CPHXL: variants seen among roughly 807,000 people sequenced by gnomAD.
CPHXL encodes cytoplasmic polyadenylated homeobox like.
At chr16:75,725,753 CTTTTTTTTTTTTTTT>C (rs35659823) in intron 1 of CPHXL, among the ~76,000 whole-genome samples, 4,099 of 43,556 alleles carry the variant, frequency 0.094, 189 homozygotes, top group Non-Finnish European at 0.11. Flanking sequence ...TGCCCGGCGT[CTTTTTTTTTTTTTTT>C]TTTTTTTTTT....
At chr16:75,715,986 C>T (rs1019986625) in intron 2 of CPHXL, among the ~76,000 whole-genome samples, 2 of 152,156 alleles carry the variant, frequency 1.3e-5, no homozygotes, top group Non-Finnish European at 2.9e-5. Flanking sequence ...GCATGAGCCA[C>T]CACATCTGGC....
chr16:75,721,567 T>G (rs1178672471), intron 1 of CPHXL, among the ~76,000 whole-genome samples: 1 of 152,136 alleles, frequency 6.6e-6, no homozygotes, highest in Non-Finnish European at 1.5e-5. Context: ...CCTAAATATA[T>G]ATGCACCCAA....
chr16:75,714,427 C>G lies in CPHXL; in HGVS notation c.1015G>C (p.Gly339Arg), dbSNP rs931833678. 2.5e-6 allele frequency: 1 copy of G among 398,406 alleles called. No individual in the cohort carries two copies. The highest frequency in any genetic ancestry group is 4.4e-6 in the Non-Finnish European group (1 of 226,078). 24.7% of individuals were successfully genotyped at this position (398,406 alleles called of 1,614,324 possible). A position where few individuals can be genotyped will look rare whatever the true frequency, so the allele number is the denominator to read the frequency against. ...MLQEQLPMDSGPWDLGKQWSS... is the reference protein window; with the variant it reads ...MLQEQLPMDSRPWDLGKQWSS... ...CACTGCTTCCCTAGATCCCAAGGAC[C>G]CGAGTCCATTGGGAGCTGTTCCTGC... The change falls in exon 3 of 3, where the codon GGT becomes CGT. Residue 339 changes from glycine (G) to arginine (R), a missense_variant. Coordinates refer to ENST00000640559, the MANE Select transcript of CPHXL (RefSeq NM_001355613.1).
chr16:75,722,221 A>T (rs1298758463), intron 1 of CPHXL, among the ~76,000 whole-genome samples: 1 of 152,210 alleles, frequency 6.6e-6, no homozygotes, highest in African/African-American at 2.4e-5. Flanking sequence ...AAACACATTC[A>T]AAAGCTAGCA....
chr16:75,723,364 C>T (rs961459082), intron 1 of CPHXL, among the ~76,000 whole-genome samples: 18 of 152,124 alleles, frequency 1.2e-4, no homozygotes, highest in African/African-American at 4.3e-4. Context: ...ATCGTCTCAG[C>T]CCAAAATCTC....
chr16:75,717,419 T>C (rs191732794), intron 2 of CPHXL, among the ~76,000 whole-genome samples: 1 of 152,332 alleles, frequency 6.6e-6, no homozygotes, highest in African/African-American at 2.4e-5. Flanking sequence ...TTTGAGGATG[T>C]CTCAGGCCCT....
rs576325268 is a variant in CPHXL, at chr16:75,717,514, T to C, written c.219+751A>G. Among the ~76,000 whole-genome samples, 4 of 152,348 alleles carry C rather than the reference T, an allele frequency of 2.6e-5. No individual in the cohort carries two copies. The South Asian group carries it at 8.3e-4, about 32-fold the overall frequency. On this transcript the variant is annotated intron_variant, in intron 2 of 2. Transcript: ENST00000640559. ...TAAACCATCTCTAGATGACTTACAA[T>C]ACCTGATACCTAATATAACACAAAT...
intron 1 of CPHXL, among the ~76,000 whole-genome samples, chr16:75,720,546 T>G (rs1464556683): frequency 6.6e-6 from 1 of 151,786 alleles, no homozygotes; most frequent in African/African-American, 2.4e-5. Context: ...GAAGAGAAGT[T>G]TAGAGAAAAA....
rs1959423398 is a variant in CPHXL, at chr16:75,718,330, A to T, written c.154T>A (p.Tyr52Asn). 2.5e-6 allele frequency: 1 copy of T among 398,850 alleles called. No individual in the cohort carries two copies. The highest frequency in any genetic ancestry group is 4.4e-5 in the Admixed American group (1 of 22,746). 24.7% of individuals were successfully genotyped at this position (398,850 alleles called of 1,614,324 possible). A position where few individuals can be genotyped will look rare whatever the true frequency, so the allele number is the denominator to read the frequency against. The change falls in exon 2 of 3, where the codon TAT becomes AAT. Residue 52 changes from tyrosine to asparagine, a missense_variant. Physicochemically the swap from Tyr to Asn is moderately radical, Grantham distance 143. Coordinates refer to ENST00000640559, the MANE Select transcript of CPHXL (RefSeq NM_001355613.1). ...GTTTTCCTAGTTGTGTAATCGGGAT[A>T]ACAGTTCTCTCCAAATATTTCCTTA... is the stretch of plus-strand genomic sequence containing the variant. ...ELKEIFGENC[Y>N]PDYTTRKTLA...
chr16:75,721,810 G>A (rs528040107), intron 1 of CPHXL, among the ~76,000 whole-genome samples: 9 of 152,244 alleles, frequency 5.9e-5, no homozygotes, highest in African/African-American at 2.2e-4. Context: ...ATTCTTCTCA[G>A]CACCACACCA....
chr16:75,721,176 A>G (rs1372882469), intron 1 of CPHXL, among the ~76,000 whole-genome samples: 4 of 152,242 alleles, frequency 2.6e-5, no homozygotes, highest in African/African-American at 7.2e-5. Flanking sequence ...CATCGAGGCT[A>G]GGAAGAAACT....
At chr16:75,725,215 T>A (rs1959538068) in intron 1 of CPHXL, among the ~76,000 whole-genome samples, 1 of 152,094 alleles carries the variant, frequency 6.6e-6, no homozygotes, top group South Asian at 2.1e-4. Flanking sequence ...ACATGGCACA[T>A]GTATATATAT....
In CPHXL at chr16:75,714,544, G is replaced by T; in HGVS notation, c.898C>A (p.Leu300Ile). The T allele has an allele frequency of 2.5e-6, 1 of 398,660 alleles. No homozygotes were observed. Among genetic ancestry groups the T allele is most frequent in the Non-Finnish European group, 4.4e-6 (1 of 226,084 alleles). The allele number at this position is 398,660 out of a possible 1,614,324, so 24.7% of individuals were successfully genotyped here. Residue 300 changes from leucine to isoleucine, a missense_variant, in exon 3 of 3, where the codon CTC becomes ATC. Transcript: ENST00000640559. ...TGCTGCTGTTGTCCCAGCAGTGAGAGACAGAATGAGCAAAGACAATGGTCT... is the reference window on the plus strand; with the variant it reads ...TGCTGCTGTTGTCCCAGCAGTGAGATACAGAATGAGCAAAGACAATGGTCT... ...KKDHCLCSFC[L>I]SLLGQQQQND...
chr16:75,725,378 T>C (rs1198392949), intron 1 of CPHXL, among the ~76,000 whole-genome samples: 1 of 152,120 alleles, frequency 6.6e-6, no homozygotes, highest in Non-Finnish European at 1.5e-5. Context: ...AATCTCCGCC[T>C]ACTGGGTTCA....
intron 2 of CPHXL, among the ~76,000 whole-genome samples, chr16:75,716,260 C>A (rs1345300312): frequency 2.0e-5 from 3 of 152,184 alleles, no homozygotes; most frequent in Non-Finnish European, 4.4e-5. Flanking sequence ...CAATTCAATT[C>A]TGACACTATG....
At chr16:75,725,443 T>C (rs1008950429) in intron 1 of CPHXL, among the ~76,000 whole-genome samples, 4 of 151,218 alleles carry the variant, frequency 2.6e-5, no homozygotes, top group Non-Finnish European at 4.4e-5. Context: ...TAGGCACCAC[T>C]GTGGCTTCCT....
Position 75,726,471 on chromosome 16 carries a change from A to C in CPHXL, c.-29T>G, listed in dbSNP as rs1045020544. On this transcript the variant is annotated 5_prime_UTR_variant, in exon 1 of 3. Coordinates refer to ENST00000640559, the MANE Select transcript of CPHXL (RefSeq NM_001355613.1). ...GGGGTAGAAGACCTGGACTTCACGG[A>C]GACCAGCAAGCAACTGAGATCAGCA... 2.5e-6 allele frequency: 1 copy of C among 398,536 alleles called. No individual in the cohort carries two copies. Among genetic ancestry groups the C allele is most frequent in the Non-Finnish European group, 4.4e-6 (1 of 226,080 alleles). 24.7% of individuals were successfully genotyped at this position (398,536 alleles called of 1,614,324 possible). A position where few individuals can be genotyped will look rare whatever the true frequency, so the allele number is the denominator to read the frequency against.
intron 1 of CPHXL, among the ~76,000 whole-genome samples, chr16:75,720,397 G>A (rs549790196): frequency 6.6e-6 from 1 of 152,266 alleles, no homozygotes; most frequent in East Asian, 1.9e-4. Flanking sequence ...CCAAAGCAGG[G>A]AAGTCGTTAA....
In CPHXL at chr16:75,725,904, T is replaced by C. The variant is rs528879460; in HGVS notation, c.25+514A>G. ...TTTACTTTAGGCATACAGCCAGTCATACTAAATTGGATAAACACTTAAATG... is the reference window on the plus strand; with the variant it reads ...TTTACTTTAGGCATACAGCCAGTCACACTAAATTGGATAAACACTTAAATG... On this transcript the variant is annotated intron_variant, in intron 1 of 2. Coordinates refer to ENST00000640559, the MANE Select transcript of CPHXL (RefSeq NM_001355613.1). Among the ~76,000 whole-genome samples, 26 of 151,914 alleles carry C rather than the reference T, an allele frequency of 1.7e-4. No individual in the cohort carries two copies. In the South Asian group the frequency reaches 4.6e-3, roughly 27 times the overall value.
Sources: gnomAD v4.1 joint callset for allele counts (sites outside exome capture counted in the v4.1 genomes callset) on GRCh38, gnomAD v4.1.1 for gene constraint, MANE v1.5 for transcripts, NCBI Gene and HGNC (gene_info 2026-07-23, HGNC 2026-07-21) for gene names.